The following NAALADL2 variants were observed in gnomAD, a reference collection of about 807,000 sequenced individuals.
NAALADL2 encodes N-acetylated alpha-linked acidic dipeptidase like 2, also known as inactive N-acetylated-alpha-linked acidic dipeptidase-like protein 2.
NAALADL2 carries 76 observed loss-of-function variants against 87.2 expected under a neutral mutation model. That is an observed-to-expected ratio of 0.87 (90% CI 0.72 to 1.05). NAALADL2 has a LOEUF of 1.05. Ranked by LOEUF, NAALADL2 falls within the 50% of genes least tolerant of loss-of-function variation. The pLI is 0.00. For synonymous variants in NAALADL2, 354 were observed against 331.0 expected, an observed-to-expected ratio of 1.07 and a Z score of -0.75; for missense variants, 1,089 against 945.8, an observed-to-expected ratio of 1.15 and a Z score of -1.99.
At chr3:174,553,055 G>A (rs1218045356) in intron 2 of NAALADL2, among the ~76,000 whole-genome samples, 1 of 152,056 alleles carries the variant, frequency 6.6e-6, no homozygotes, top group Non-Finnish European at 1.5e-5. Context: ...TGTTGTTTTT[G>A]ACTATGGGTT....
At chr3:174,782,699 T>C (rs558651798) in intron 3 of NAALADL2, among the ~76,000 whole-genome samples, 8 of 152,148 alleles carry the variant, frequency 5.3e-5, no homozygotes, top group Admixed American at 5.2e-4. Flanking sequence ...CTTAGAATCA[T>C]GGCAGAAGGG....
chr3:174,921,840 A>AAAAG lies in NAALADL2; in HGVS notation c.43+62393_43+62394insGAAA, dbSNP rs1560367328. Among the ~76,000 whole-genome samples the AAAAG allele has an allele frequency of 3.5e-4, 24 of 68,570 alleles. 1 individual carries two copies. The highest frequency in any genetic ancestry group is 8.5e-4 in the African/African-American group (10 of 11,784). 45.0% of individuals were successfully genotyped at this position (68,570 alleles called of 152,430 possible). On this transcript the variant is annotated intron_variant, in intron 1 of 13. Coordinates refer to ENST00000454872, the MANE Select transcript of NAALADL2 (RefSeq NM_207015.3). ...AAAAAAAGAAAAAGAAAAAGAAAAG[A>AAAAG]AAAAAATCTTCTTAGTATTTTAAAG...
chr3:175,108,453 A>G (rs1463944043), intron 2 of NAALADL2, among the ~76,000 whole-genome samples: 2 of 152,040 alleles, frequency 1.3e-5, no homozygotes, highest in Non-Finnish European at 2.9e-5. Context: ...GTACATTTGT[A>G]TCTGTGAGAA....
At chr3:175,514,939 A>T (rs1007864857) in intron 9 of NAALADL2, among the ~76,000 whole-genome samples, 1 of 152,220 alleles carries the variant, frequency 6.6e-6, no homozygotes, top group Non-Finnish European at 1.5e-5. Flanking sequence ...CTGGGGATGA[A>T]TATCTGAATT....
chr3:175,688,642 CAAA>C (rs1428287650), intron 11 of NAALADL2, among the ~76,000 whole-genome samples: 2 of 152,086 alleles, frequency 1.3e-5, no homozygotes, highest in Non-Finnish European at 2.9e-5. Context: ...AGCCCCCAAA[CAAA>C]AGGCTCAGGC....
At chr3:175,443,292 G>A (rs1308562329) in intron 5 of NAALADL2, among the ~76,000 whole-genome samples, 2 of 152,062 alleles carry the variant, frequency 1.3e-5, no homozygotes, top group Non-Finnish European at 2.9e-5. Flanking sequence ...GTTCAATTAT[G>A]GTTTAGGGTT....
intron 11 of NAALADL2, among the ~76,000 whole-genome samples, chr3:175,676,990 T>G (rs566458734): frequency 3.9e-5 from 6 of 152,300 alleles, no homozygotes; most frequent in African/African-American, 1.4e-4. Flanking sequence ...AAGGTTTATT[T>G]TTATTCTTTA....
chr3:174,730,401 G>A (rs1376241463), intron 2 of NAALADL2, among the ~76,000 whole-genome samples: 2 of 151,944 alleles, frequency 1.3e-5, no homozygotes, highest in East Asian at 3.9e-4. Flanking sequence ...AAATTCATGG[G>A]GTAACATCCA....
At chr3:174,604,003 G>C (rs1718724277) in intron 2 of NAALADL2, among the ~76,000 whole-genome samples, 1 of 152,060 alleles carries the variant, frequency 6.6e-6, no homozygotes, top group Non-Finnish European at 1.5e-5. Context: ...CTTGAGGATG[G>C]TCCAAGTGCT....
intron 2 of NAALADL2, among the ~76,000 whole-genome samples, chr3:175,216,104 C>T (rs1742474594): frequency 6.6e-6 from 1 of 152,148 alleles, no homozygotes; most frequent in Non-Finnish European, 1.5e-5. Flanking sequence ...CACAAATGCA[C>T]TGCCTGGATT....
chr3:174,503,841 T>C (rs1044930776), intron 1 of NAALADL2, among the ~76,000 whole-genome samples: 1 of 152,160 alleles, frequency 6.6e-6, no homozygotes, highest in Non-Finnish European at 1.5e-5. Context: ...ATTTTTCTTT[T>C]ATTGAAATAT....
At chr3:175,029,463 C>A (rs910109201) in intron 1 of NAALADL2, among the ~76,000 whole-genome samples, 1 of 151,968 alleles carries the variant, frequency 6.6e-6, no homozygotes, top group Non-Finnish European at 1.5e-5. Context: ...TCTCTCTGAT[C>A]CATCAGAGGG....
chr3:174,967,696 C>T (rs1022417175), intron 1 of NAALADL2, among the ~76,000 whole-genome samples: 2 of 152,154 alleles, frequency 1.3e-5, no homozygotes, highest in South Asian at 2.1e-4. Context: ...CAGCCAGTAC[C>T]ATGTGATTGA....
At chr3:174,842,893 C>G (rs993171994) in intron 3 of NAALADL2, among the ~76,000 whole-genome samples, 25 of 152,134 alleles carry the variant, frequency 1.6e-4, no homozygotes, top group African/African-American at 3.9e-4. Flanking sequence ...ACAGTATTTT[C>G]CTTGCCGTCA....
intron 1 of NAALADL2, among the ~76,000 whole-genome samples, chr3:174,861,493 T>C (rs1047888015): frequency 1.3e-5 from 2 of 152,162 alleles, no homozygotes; most frequent in African/African-American, 4.8e-5. Flanking sequence ...TAAAAAATTC[T>C]GAGGTTCTTT....
intron 3 of NAALADL2, among the ~76,000 whole-genome samples, chr3:174,803,227 T>A (rs549431845): frequency 6.6e-6 from 1 of 152,188 alleles, no homozygotes; most frequent in African/African-American, 2.4e-5. Context: ...CTCTAATGAC[T>A]AGTGATGATG....
Position 174,985,975 on chromosome 3 carries a change from A to C in NAALADL2, c.44-110815A>C, listed in dbSNP as rs537970203. On this transcript the variant is annotated intron_variant, in intron 1 of 13. Coordinates refer to ENST00000454872, the MANE Select transcript of NAALADL2 (RefSeq NM_207015.3). ...CTCAAAAAAAACAAAATAAAACAAAAAAAAGCATGCTAAACAAGAGTATTT... is the reference window on the plus strand; with the variant it reads ...CTCAAAAAAAACAAAATAAAACAAACAAAAGCATGCTAAACAAGAGTATTT... Among the ~76,000 whole-genome samples, 12 of 152,074 alleles carry C rather than the reference A, an allele frequency of 7.9e-5. No homozygotes were observed. In the South Asian group the frequency reaches 2.1e-3, roughly 26 times the overall value.
At position 174,964,771 on chromosome 3, in the gene NAALADL2, A is replaced by G. The variant is rs371199961; in HGVS notation, c.43+105321A>G. ...AATAATAGTAGTAATAGTAATTTTA[A>G]TAACGTAGCACCTCTCAGGGCCAGA... On this transcript the variant is annotated intron_variant, in intron 1 of 13. Transcript: ENST00000454872. 1.8e-3 allele frequency among the ~76,000 whole-genome samples: 273 copies of G among 152,068 alleles called. 7 individuals carry two copies. In the South Asian group the frequency reaches 0.023, roughly 13 times the overall value.
At chr3:175,447,728 C>A (rs1376029600) in intron 6 of NAALADL2, among the ~76,000 whole-genome samples, 2 of 152,176 alleles carry the variant, frequency 1.3e-5, no homozygotes, top group Non-Finnish European at 2.9e-5. Context: ...GGATAGCAGG[C>A]AACTATCTGG....
Sources: allele counts gnomAD v4.1 joint callset (sites outside exome capture counted in the v4.1 genomes callset), GRCh38; gene constraint gnomAD v4.1.1; transcripts MANE v1.5; gene names NCBI Gene and HGNC (gene_info 2026-07-23, HGNC 2026-07-21).